RASEF: variants seen among roughly 807,000 people sequenced by gnomAD.
RASEF encodes the protein RAS and EF-hand domain containing.
RASEF carries 68 observed loss-of-function variants against 90.1 expected under a neutral mutation model. That is an observed-to-expected ratio of 0.75 (90% CI 0.62 to 0.92). The LOEUF is 0.92. Ranked by LOEUF, RASEF falls within the 40% of genes least tolerant of loss-of-function variation. The probability of loss-of-function intolerance (pLI) is 0.00; values close to 1 mark genes in which losing one functional copy is unlikely to be tolerated. For synonymous variants in RASEF, 331 were observed against 345.2 expected, an observed-to-expected ratio of 0.96 and a Z score of 0.46; for missense variants, 949 against 937.2, an observed-to-expected ratio of 1.01 and a Z score of -0.16.
At chr9:83,026,112 G>A (rs1278833197) in intron 1 of RASEF, among the ~76,000 whole-genome samples, 191 bp from the exon 2 acceptor site, 2 of 152,112 alleles carry the variant, frequency 1.3e-5, no homozygotes, top group African/African-American at 2.4e-5. Flanking sequence ...TAGGAGATGG[G>A]GCCTGCGAGG....
the RASEF span, among the ~76,000 whole-genome samples, chr9:83,181,276 A>C: frequency 1.3e-5 from 2 of 152,048 alleles, no homozygotes; most frequent in Admixed American, 1.3e-4. Context: ...TCACTTAAAG[A>C]GAAGGGCGGG....
chr9:83,194,385 T>C, the RASEF span, among the ~76,000 whole-genome samples: 3 of 152,204 alleles, frequency 2.0e-5, no homozygotes, highest in Non-Finnish European at 2.9e-5. Context: ...ATGGTTACAC[T>C]AGGGTCAGGT....
chr9:83,063,542 A>G (rs1375611743), upstream of RASEF, among the ~76,000 whole-genome samples: 1 of 152,228 alleles, frequency 6.6e-6, no homozygotes, highest in Non-Finnish European at 1.5e-5. Flanking sequence ...AGAAGACCCC[A>G]TTCTCAATTT....
At chr9:83,203,808 G>A in the RASEF span, among the ~76,000 whole-genome samples, 2 of 152,142 alleles carry the variant, frequency 1.3e-5, no homozygotes, top group African/African-American at 4.8e-5. Context: ...GAGAGGAAGT[G>A]CATGGTGCCA....
At chr9:83,103,778 C>T in the RASEF span, among the ~76,000 whole-genome samples, 1 of 152,126 alleles carries the variant, frequency 6.6e-6, no homozygotes, top group Non-Finnish European at 1.5e-5. Context: ...TGCTAAGATG[C>T]CTTGATCTTT....
At chr9:83,102,463 T>C in the RASEF span, among the ~76,000 whole-genome samples, 11 of 152,312 alleles carry the variant, frequency 7.2e-5, no homozygotes, top group Non-Finnish European at 1.6e-4. Flanking sequence ...TGTCTGCAAA[T>C]GGCCACAAAA....
At chr9:83,139,242 G>T in the RASEF span, among the ~76,000 whole-genome samples, 1 of 152,148 alleles carries the variant, frequency 6.6e-6, no homozygotes, top group Non-Finnish European at 1.5e-5. Context: ...ATAAAAATTT[G>T]AGATTCACTG....
At chr9:83,056,674 A>G (rs1830109174) in intron 1 of RASEF, among the ~76,000 whole-genome samples, 1 of 152,248 alleles carries the variant, frequency 6.6e-6, no homozygotes, top group African/African-American at 2.4e-5. Flanking sequence ...TGAATTTAAC[A>G]GTAGTTTTGG....
the RASEF span, among the ~76,000 whole-genome samples, chr9:83,200,519 T>A: frequency 6.6e-6 from 1 of 152,056 alleles, no homozygotes; most frequent in Non-Finnish European, 1.5e-5. Flanking sequence ...TCCCACTGAG[T>A]TTTTTATTCG....
chr9:83,102,790 G>T, the RASEF span, among the ~76,000 whole-genome samples: 1 of 152,142 alleles, frequency 6.6e-6, no homozygotes, highest in Non-Finnish European at 1.5e-5. Flanking sequence ...ACCCTGCCCT[G>T]GGGTGATGAG....
At chr9:83,093,681 G>A in the RASEF span, among the ~76,000 whole-genome samples, 44 of 152,280 alleles carry the variant, frequency 2.9e-4, no homozygotes, top group South Asian at 6.2e-4. Context: ...TCCCGCTCGC[G>A]CCTCTCCCTC....
the RASEF span, among the ~76,000 whole-genome samples, chr9:83,104,244 G>A: frequency 1.3e-5 from 2 of 151,938 alleles, no homozygotes; most frequent in East Asian, 3.9e-4. Context: ...TCCATAAAAT[G>A]ACCAGCTTTT....
rs1386416314 is a variant in RASEF, at chr9:83,007,418, A to T, written c.1028+19T>A. The T allele has an allele frequency of 6.4e-7, 1 of 1,573,698 alleles. No homozygotes were observed. Among genetic ancestry groups the T allele is most frequent in the African/African-American group, 1.3e-5 (1 of 74,174 alleles). The stretch of plus-strand genomic sequence containing the variant: ...CAAGTGAAATGTAAATGTAATGAGC[A>T]TTTGATCTGCGGACTTACTGGAGTA... On this transcript the variant is annotated intron_variant, in intron 7 of 16. Coordinates refer to ENST00000376447, the MANE Select transcript of RASEF (RefSeq NM_152573.4).
At chr9:83,218,223 T>C in the RASEF span, among the ~76,000 whole-genome samples, 11 of 152,310 alleles carry the variant, frequency 7.2e-5, no homozygotes, top group East Asian at 1.9e-3. Flanking sequence ...AGTGTGCACG[T>C]GGAAGCCAGA....
chr9:83,036,231 G>A (rs1829739534), intron 1 of RASEF, among the ~76,000 whole-genome samples: 1 of 152,224 alleles, frequency 6.6e-6, no homozygotes, highest in East Asian at 1.9e-4. Flanking sequence ...GACAAGAGAA[G>A]CTGCAGACAG....
At chr9:83,093,027 A>G in the RASEF span, among the ~76,000 whole-genome samples, 8 of 151,774 alleles carry the variant, frequency 5.3e-5, no homozygotes, top group African/African-American at 1.7e-4. Flanking sequence ...TGAGCTATAT[A>G]TAAAGGTTCT....
At chr9:83,130,308 G>C in the RASEF span, among the ~76,000 whole-genome samples, 1 of 152,258 alleles carries the variant, frequency 6.6e-6, no homozygotes, top group East Asian at 1.9e-4. Flanking sequence ...GGAAGGTCTA[G>C]AGACTTTACA....
intron 1 of RASEF, among the ~76,000 whole-genome samples, chr9:83,036,770 G>A (rs1177594728): frequency 1.3e-5 from 2 of 152,136 alleles, no homozygotes; most frequent in Non-Finnish European, 2.9e-5. Context: ...GTTAATAATA[G>A]TGAATCAATA....
chr9:82,995,131 G>A (rs1828890984), intron 14 of RASEF, among the ~76,000 whole-genome samples: 1 of 152,294 alleles, frequency 6.6e-6, no homozygotes, highest in African/African-American at 2.4e-5. Flanking sequence ...ATAGGAAAAC[G>A]TGATACCAAT....
Sources: allele counts gnomAD v4.1 joint callset (sites outside exome capture counted in the v4.1 genomes callset), GRCh38; gene constraint gnomAD v4.1.1; transcripts MANE v1.5; gene names NCBI Gene and HGNC (gene_info 2026-07-23, HGNC 2026-07-21).